The following PACRG variants were observed in gnomAD, a reference collection of about 807,000 sequenced individuals.
The protein encoded by PACRG is parkin coregulated gene protein.
In PACRG, 29 loss-of-function variants were observed where a neutral mutation model predicts 29.7. The ratio of observed to expected loss-of-function variants is 0.98; its 90% CI spans 0.73 to 1.33. The LOEUF (loss-of-function observed/expected upper bound fraction) is 1.33. Ranked by LOEUF, PACRG falls within the 40% of genes most tolerant of loss-of-function variation. The pLI, the probability that PACRG is intolerant of heterozygous loss-of-function variation, is 0.00. For synonymous variants in PACRG, 116 were observed against 118.7 expected, an observed-to-expected ratio of 0.98 and a Z score of 0.15; for missense variants, 279 against 316.2, an observed-to-expected ratio of 0.88 and a Z score of 0.89.
At chr6:163,086,258 TAGAG>T (rs1416834721) in intron 3 of PACRG, among the ~76,000 whole-genome samples, 1 of 152,232 alleles carries the variant, frequency 6.6e-6, no homozygotes, top group Non-Finnish European at 1.5e-5. Flanking sequence ...TAAGACCAGA[TAGAG>T]AGTCTCTACT....
At chr6:163,290,935 C>T (rs1216901870) in intron 4 of PACRG, among the ~76,000 whole-genome samples, 1 of 152,158 alleles carries the variant, frequency 6.6e-6, no homozygotes, top group Non-Finnish European at 1.5e-5. Context: ...GGCCTCTTTG[C>T]CCCTCTGCTT....
At chr6:162,857,701 G>A (rs1404965615) in intron 2 of PACRG, among the ~76,000 whole-genome samples, 1 of 151,646 alleles carries the variant, frequency 6.6e-6, no homozygotes, top group Non-Finnish European at 1.5e-5. Flanking sequence ...TAGTAAATCT[G>A]TTCAAGACAA....
At chr6:163,120,605 C>A (rs1281575584) in intron 4 of PACRG, among the ~76,000 whole-genome samples, 2 of 152,102 alleles carry the variant, frequency 1.3e-5, no homozygotes, top group Non-Finnish European at 1.5e-5. Context: ...TAAGTGCCTA[C>A]TATGTGCAAG....
intron 2 of PACRG, among the ~76,000 whole-genome samples, chr6:162,930,215 A>G (rs1408862463): frequency 1.3e-5 from 2 of 151,978 alleles, no homozygotes; most frequent in East Asian, 3.9e-4. Flanking sequence ...TAGTTATTCC[A>G]ATCCATGAGC....
chr6:162,788,549 T>C (rs1402093237), intron 1 of PACRG, among the ~76,000 whole-genome samples: 3 of 152,204 alleles, frequency 2.0e-5, no homozygotes, highest in African/African-American at 4.8e-5. Context: ...TGCTGGATGA[T>C]AGGGAACAGT....
intron 2 of PACRG, among the ~76,000 whole-genome samples, chr6:162,950,329 C>T (rs902401374): frequency 6.6e-6 from 1 of 151,778 alleles, no homozygotes. Context: ...AACCCCGTCT[C>T]TACTAAAAAT....
At chr6:162,833,595 A>G (rs578079498) in intron 2 of PACRG, among the ~76,000 whole-genome samples, 3 of 152,108 alleles carry the variant, frequency 2.0e-5, no homozygotes, top group Admixed American at 2.0e-4. Context: ...TTTCATTTGC[A>G]TTTCTGTAAT....
chr6:163,240,634 C>G (rs1461892201), intron 4 of PACRG, among the ~76,000 whole-genome samples: 2 of 152,150 alleles, frequency 1.3e-5, no homozygotes, highest in Non-Finnish European at 2.9e-5. Flanking sequence ...CCAGACCTCA[C>G]GCTCCTAAAC....
chr6:162,891,695 A>G (rs913940115), intron 2 of PACRG, among the ~76,000 whole-genome samples: 7 of 152,110 alleles, frequency 4.6e-5, no homozygotes, highest in Non-Finnish European at 8.8e-5. Flanking sequence ...AAACCAGACA[A>G]GCAGATAAAA....
At chr6:162,924,703 T>C (rs540119940) in intron 2 of PACRG, among the ~76,000 whole-genome samples, 2 of 151,896 alleles carry the variant, frequency 1.3e-5, no homozygotes, top group South Asian at 4.1e-4. Context: ...TATTGACTTA[T>C]GGTATTGAAA....
intron 2 of PACRG, among the ~76,000 whole-genome samples, chr6:162,983,931 C>T (rs555889523): frequency 1.3e-5 from 2 of 152,148 alleles, no homozygotes; most frequent in East Asian, 3.9e-4. Context: ...TCTTCATCCT[C>T]AGGAATACCA....
At chr6:163,033,971 G>T (rs1031100775) in intron 2 of PACRG, among the ~76,000 whole-genome samples, 6 of 152,172 alleles carry the variant, frequency 3.9e-5, no homozygotes, top group Non-Finnish European at 8.8e-5. Flanking sequence ...CACCAGATTG[G>T]CTACAGCTTA....
chr6:163,166,063 C>T, intron 4 of PACRG: 1 of 455,910 alleles, frequency 2.2e-6, no homozygotes. Flanking sequence ...TAATGAAAGA[C>T]AGATGCATTG....
At chr6:163,250,244 A>G (rs1238664424) in intron 4 of PACRG, among the ~76,000 whole-genome samples, 1 of 152,228 alleles carries the variant, frequency 6.6e-6, no homozygotes, top group Non-Finnish European at 1.5e-5. Context: ...GTGCTGTAAG[A>G]TTGAATTTGC....
At chr6:163,058,724 G>A (rs552953035) in intron 2 of PACRG, among the ~76,000 whole-genome samples, 16 of 152,224 alleles carry the variant, frequency 1.1e-4, no homozygotes, top group East Asian at 3.9e-4. Flanking sequence ...GTGAAACCCC[G>A]TCTCTACTAA....
At chr6:163,008,377 A>G (rs891402861) in intron 2 of PACRG, among the ~76,000 whole-genome samples, 2 of 152,090 alleles carry the variant, frequency 1.3e-5, no homozygotes, top group African/African-American at 4.8e-5. Context: ...TTGACTCTGA[A>G]TTTGTAAACG....
At chr6:163,116,720 G>A (rs1005783096) in intron 4 of PACRG, among the ~76,000 whole-genome samples, 1 of 152,238 alleles carries the variant, frequency 6.6e-6, no homozygotes, top group African/African-American at 2.4e-5. Context: ...GGATAATGGA[G>A]AGGAGGAAAA....
chr6:163,296,654 G>A (rs568070644), intron 4 of PACRG, among the ~76,000 whole-genome samples: 3 of 152,200 alleles, frequency 2.0e-5, no homozygotes, highest in Admixed American at 1.3e-4. Flanking sequence ...GTTCTTTATG[G>A]GATTCATAAA....
At chr6:163,219,679 C>T (rs1363217814) in intron 4 of PACRG, among the ~76,000 whole-genome samples, 1 of 141,086 alleles carries the variant, frequency 7.1e-6, no homozygotes, top group African/African-American at 2.9e-5. Flanking sequence ...CCTCCTGCAG[C>T]TCAGCCTGAA....
Sources: gnomAD v4.1 joint callset for allele counts (sites outside exome capture counted in the v4.1 genomes callset) on GRCh38, gnomAD v4.1.1 for gene constraint, MANE v1.5 for transcripts, NCBI Gene and HGNC (gene_info 2026-07-23, HGNC 2026-07-21) for gene names.